Variants in BPTF observed in about 807,000 individuals in gnomAD.
The protein encoded by BPTF is bromodomain PHD finger transcription factor, also known as nucleosome-remodeling factor subunit BPTF.
BPTF carries 18 observed loss-of-function variants against 292.5 expected under a neutral mutation model. The ratio of observed to expected loss-of-function variants is 0.06; its 90% CI spans 0.04 to 0.09. The LOEUF is 0.09. BPTF is among the 10% of genes least tolerant of loss of function. The probability of loss-of-function intolerance (pLI) is 1.00; values close to 1 mark genes in which losing one functional copy is unlikely to be tolerated. For missense variants in BPTF, 2,726 were observed against 3,498.7 expected (o/e 0.78, Z 5.57); for synonymous variants, 1,225 against 1,251.9 (o/e 0.98, Z 0.45).
chr17:67,948,036 A>G (rs782746177), intron 22 of BPTF, 45 bp from the exon 23 acceptor site: 7 of 1,562,648 alleles, frequency 4.5e-6, no homozygotes, highest in Non-Finnish European at 6.2e-6. Context: ...TAAGCCTTTC[A>G]AAATGAAACG....
In BPTF at chr17:67,983,024, A is replaced by T. The variant is rs117037971; in HGVS notation, c.*736A>T. 3,057 of 152,402 alleles carry T rather than the reference A, an allele frequency of 0.02. 75 individuals carry two copies. The highest frequency in any genetic ancestry group is 0.024 in the Non-Finnish European group (1,620 of 68,048). The allele number at this position is 152,402 out of a possible 1,614,324, so 9.4% of individuals were successfully genotyped here. A position where few individuals can be genotyped will look rare whatever the true frequency, so the allele number is the denominator to read the frequency against. On this transcript the variant is annotated 3_prime_UTR_variant, in exon 28 of 28. Transcript: ENST00000306378. ...TGTCAATTACTCTGCACCAGGCTAAAATGAGTAAAATCTATTTGAAGGTAT... is the reference window on the plus strand; with the variant it reads ...TGTCAATTACTCTGCACCAGGCTAATATGAGTAAAATCTATTTGAAGGTAT...
intron 1 of BPTF, among the ~76,000 whole-genome samples, chr17:67,832,086 C>T (rs1197674875): frequency 1.3e-5 from 2 of 151,990 alleles, no homozygotes; most frequent in Non-Finnish European, 2.9e-5. Context: ...GACAGGGTTT[C>T]ACCATATTGG....
At chr17:67,950,051 CAAAAA>C (rs567911150) in intron 23 of BPTF, among the ~76,000 whole-genome samples, 1 of 68,578 alleles carries the variant, frequency 1.5e-5, no homozygotes, top group Non-Finnish European at 2.4e-5. Flanking sequence ...GAGACTGTCT[CAAAAA>C]AAAAAAAAAA....
Position 67,849,551 on chromosome 17 carries a change from T to C in BPTF, c.614-4389T>C, listed in dbSNP as rs1296644991. On this transcript the variant is annotated intron_variant, in intron 1 of 27. Transcript: ENST00000306378. ...TCTAATGTGTATTAATTTTTACTTA[T>C]CTGGATCTTAGGGAAAATAACCTAT... is the stretch of plus-strand genomic sequence containing the variant. 1.2e-4 allele frequency among the ~76,000 whole-genome samples: 19 copies of C among 152,322 alleles called. No homozygotes were observed. In the East Asian group the frequency reaches 3.3e-3, roughly 26 times the overall value.
intron 4 of BPTF, chr17:67,886,080 T>C: frequency 7.4e-7 from 1 of 1,359,500 alleles, no homozygotes. Context: ...CAATTCGTCA[T>C]TTTTCATGTG....
chr17:67,896,951 C>A (rs1473988958), intron 7 of BPTF, among the ~76,000 whole-genome samples: 1 of 151,774 alleles, frequency 6.6e-6, no homozygotes, highest in Non-Finnish European at 1.5e-5. Context: ...ACAAATATAC[C>A]TTAGATCCCA....
intron 4 of BPTF, among the ~76,000 whole-genome samples, chr17:67,889,940 C>T (rs752730345): frequency 2.0e-5 from 3 of 152,180 alleles, no homozygotes; most frequent in African/African-American, 7.2e-5. Flanking sequence ...AGTACCCTCT[C>T]TCCATTTTGA....
At chr17:67,893,853 G>A (rs1434110463) in intron 6 of BPTF, 128 bp downstream of exon 6, 1 of 1,121,554 alleles carries the variant, frequency 8.9e-7, no homozygotes, top group Non-Finnish European at 1.3e-6. Context: ...CAGCAGACAG[G>A]ACATTAGAGG....
At chr17:67,869,332 A>G (rs1244141845) in intron 3 of BPTF, among the ~76,000 whole-genome samples, 1 of 152,208 alleles carries the variant, frequency 6.6e-6, no homozygotes, top group Non-Finnish European at 1.5e-5. Context: ...ATACAGTATA[A>G]TCATAATTAA....
At chr17:67,976,299 CCCGTCTCTA>C (rs1278572451) in intron 27 of BPTF, among the ~76,000 whole-genome samples, 1 of 152,168 alleles carries the variant, frequency 6.6e-6, no homozygotes, top group Non-Finnish European at 1.5e-5. Flanking sequence ...ATGGGGAAAC[CCCGTCTCTA>C]CCAAAAATAC....
intron 25 of BPTF, 69 bp from the exon 26 acceptor site, chr17:67,966,503 A>C (rs539744942): frequency 3.3e-4 from 466 of 1,409,924 alleles, no homozygotes; most frequent in Non-Finnish European, 4.3e-4. Context: ...TGATGTAGTA[A>C]CTCAACCAGG....
intron 13 of BPTF, 120 bp from the exon 14 acceptor site, chr17:67,922,720 A>T: frequency 9.3e-7 from 1 of 1,076,370 alleles, no homozygotes; most frequent in Non-Finnish European, 1.3e-6. Context: ...GAGTAGCTGC[A>T]GCAGAGACCA....
chr17:67,898,948 A>G (rs1166722455), intron 7 of BPTF, among the ~76,000 whole-genome samples: 1 of 151,438 alleles, frequency 6.6e-6, no homozygotes, highest in Non-Finnish European at 1.5e-5. Context: ...AAAAATTTCT[A>G]AAAGTACCAG....
At chr17:67,867,092 A>G (rs1792682968) in intron 3 of BPTF, among the ~76,000 whole-genome samples, 1 of 152,264 alleles carries the variant, frequency 6.6e-6, no homozygotes, top group South Asian at 2.1e-4. Context: ...AACATTGTGC[A>G]GTGCATGACT....
chr17:67,978,874 G>A (rs1162539188), intron 27 of BPTF, among the ~76,000 whole-genome samples: 2 of 152,170 alleles, frequency 1.3e-5, no homozygotes, highest in Non-Finnish European at 2.9e-5. Context: ...AAAACAGAAA[G>A]TTGTGTAAGT....
intron 1 of BPTF, among the ~76,000 whole-genome samples, chr17:67,844,603 G>T (rs1598191699): frequency 1.5e-5 from 2 of 134,676 alleles, no homozygotes; most frequent in Non-Finnish European, 1.6e-5. Flanking sequence ...GTTTCACCAT[G>T]TTGCCCAGGC....
intron 16 of BPTF, 105 bp from the exon 17 acceptor site, chr17:67,929,231 C>T: frequency 6.0e-6 from 9 of 1,503,360 alleles, no homozygotes; most frequent in Middle Eastern, 1.9e-4. Context: ...CTATGTAGCC[C>T]ACTATAAAAC....
intron 23 of BPTF, among the ~76,000 whole-genome samples, chr17:67,949,521 G>A (rs1416074732): frequency 6.6e-6 from 1 of 151,722 alleles, no homozygotes; most frequent in South Asian, 2.1e-4. Context: ...GTTGCAGTGA[G>A]CTGAGATCAC....
At chr17:67,943,174 G>T (rs1181142867) in intron 19 of BPTF, among the ~76,000 whole-genome samples, 1 of 152,200 alleles carries the variant, frequency 6.6e-6, no homozygotes, top group Admixed American at 6.5e-5. Context: ...TGGCAATGGT[G>T]ACCACAGTGG....
Sources: gnomAD v4.1 joint callset for allele counts (sites outside exome capture counted in the v4.1 genomes callset) on GRCh38, gnomAD v4.1.1 for gene constraint, MANE v1.5 for transcripts, NCBI Gene and HGNC (gene_info 2026-07-23, HGNC 2026-07-21) for gene names.